Variants in RALYL observed in about 807,000 individuals in gnomAD.
RALYL encodes the protein RNA-binding Raly-like protein.
RALYL carries 29 observed loss-of-function variants against 35.1 expected under a neutral mutation model. The ratio of observed to expected loss-of-function variants is 0.83; its 90% confidence interval spans 0.61 to 1.13. The LOEUF (loss-of-function observed/expected upper bound fraction) is 1.13. RALYL is among the 50% of genes most tolerant of loss of function. RALYL has a pLI of 0.00. For missense variants in RALYL, 359 were observed against 360.4 expected (o/e 1.00, Z 0.03); for synonymous variants, 120 against 127.6 (o/e 0.94, Z 0.40).
intron 1 of RALYL, among the ~76,000 whole-genome samples, chr8:84,415,205 G>GTTTTTTTTTTTTTTTTTTTTTTTT (rs33962115): frequency 3.7e-5 from 2 of 54,658 alleles, no homozygotes; most frequent in Non-Finnish European, 9.0e-5. Context: ...GCAGACACTC[G>GTTTTTTTTTTTTTTTTTTTTTTTT]TTTTTTTTTT....
At chr8:84,658,285 AC>A (rs1830306401) in intron 2 of RALYL, among the ~76,000 whole-genome samples, 1 of 152,050 alleles carries the variant, frequency 6.6e-6, no homozygotes, top group Non-Finnish European at 1.5e-5. Context: ...TATTCTTCTG[AC>A]CCTCAAAAAG....
intron 2 of RALYL, among the ~76,000 whole-genome samples, chr8:84,684,418 C>G (rs1197934520): frequency 2.0e-5 from 3 of 152,176 alleles, no homozygotes; most frequent in Non-Finnish European, 4.4e-5. Flanking sequence ...GATAAGGAGA[C>G]TCAGTGGGAA....
rs368690962 is a variant in RALYL at position 84,788,863 on chromosome 8, T to C, written c.332+14209T>C. The stretch of plus-strand genomic sequence containing the variant: ...CTTCAAAAAGAAAAAAGTCAAAATA[T>C]CTGAGCCTTTAAGTGGTGCAGTGGA... On this transcript the variant is annotated intron_variant, in intron 3 of 8. Transcript: ENST00000521268. Among the ~76,000 whole-genome samples, 12 of 152,222 alleles carry C rather than the reference T, an allele frequency of 7.9e-5. No homozygotes were observed. The East Asian group carries it at 1.2e-3, about 15-fold the overall frequency.
intron 2 of RALYL, among the ~76,000 whole-genome samples, chr8:84,689,347 C>A (rs895133450): frequency 2.0e-5 from 3 of 151,986 alleles, no homozygotes; most frequent in Admixed American, 6.6e-5. Context: ...TTTGTTCTTG[C>A]GATAGTTTAC....
rs372119593 is a variant in RALYL at position 84,617,133 on chromosome 8, T to C, written c.256+87556T>C. Among the ~76,000 whole-genome samples, 3 of 150,602 alleles carry C rather than the reference T, an allele frequency of 2.0e-5. No homozygotes were observed. In the East Asian group the frequency reaches 5.8e-4, roughly 29 times the overall value. ...GTTTTTTCCAATTCTGTGAAGAAAG[T>C]CATTGGTAGCTTGATGGGGATGGCA... On this transcript the variant is annotated intron_variant, in intron 2 of 8. Transcript: ENST00000521268.
intron 2 of RALYL, among the ~76,000 whole-genome samples, chr8:84,616,641 G>T (rs1236339621): frequency 2.6e-5 from 4 of 151,254 alleles, no homozygotes; most frequent in Non-Finnish European, 5.9e-5. Flanking sequence ...CATTGCTTTT[G>T]GTGTTTTAGA....
At chr8:84,555,130 T>G (rs1182014818) in intron 2 of RALYL, among the ~76,000 whole-genome samples, 1 of 152,048 alleles carries the variant, frequency 6.6e-6, no homozygotes, top group Non-Finnish European at 1.5e-5. Context: ...AATACAAAAA[T>G]TAGCCGGGCG....
At chr8:84,869,255 T>C (rs748674430) in intron 6 of RALYL, among the ~76,000 whole-genome samples, 13 of 152,322 alleles carry the variant, frequency 8.5e-5, no homozygotes, top group South Asian at 4.1e-4. Flanking sequence ...CACATGACTT[T>C]GGGAAAATCA....
chr8:84,602,047 C>A (rs1405280701), intron 2 of RALYL, among the ~76,000 whole-genome samples: 2 of 152,062 alleles, frequency 1.3e-5, no homozygotes, highest in Non-Finnish European at 2.9e-5. Flanking sequence ...ATTTGTACTG[C>A]ATACTCTCTC....
At chr8:84,875,959 A>AGAT (rs1276853827) in intron 7 of RALYL, among the ~76,000 whole-genome samples, 1 of 152,148 alleles carries the variant, frequency 6.6e-6, no homozygotes, top group African/African-American at 2.4e-5. Flanking sequence ...GGCAGGAAGG[A>AGAT]GATGGAGAAT....
intron 2 of RALYL, among the ~76,000 whole-genome samples, chr8:84,772,345 T>C (rs1006835663): frequency 6.6e-6 from 1 of 152,096 alleles, no homozygotes; most frequent in African/African-American, 2.4e-5. Context: ...CTTTGTTCTA[T>C]TGTACAAATT....
intron 1 of RALYL, among the ~76,000 whole-genome samples, chr8:84,317,028 T>C (rs938873450): frequency 4.0e-5 from 6 of 151,100 alleles, no homozygotes; most frequent in African/African-American, 9.7e-5. Flanking sequence ...TCATGATTCA[T>C]AGGAGCAAAA....
intron 3 of RALYL, among the ~76,000 whole-genome samples, chr8:84,781,271 A>T (rs1818095067): frequency 6.6e-6 from 1 of 152,208 alleles, no homozygotes; most frequent in African/African-American, 2.4e-5. Context: ...AAAATTTTTT[A>T]AAAGATTATT....
At chr8:84,913,393 G>T (rs1352074791) in intron 8 of RALYL, among the ~76,000 whole-genome samples, 1 of 151,940 alleles carries the variant, frequency 6.6e-6, no homozygotes, top group Non-Finnish European at 1.5e-5. Context: ...ATCTAGGAGA[G>T]AATTCAACTT....
intron 1 of RALYL, among the ~76,000 whole-genome samples, chr8:84,337,403 A>G (rs1249692878): frequency 6.6e-6 from 1 of 151,816 alleles, no homozygotes; most frequent in Non-Finnish European, 1.5e-5. Context: ...AGATATCTTT[A>G]AAGGAACACT....
At chr8:84,574,699 G>C (rs747815301) in intron 2 of RALYL, among the ~76,000 whole-genome samples, 3 of 151,974 alleles carry the variant, frequency 2.0e-5, no homozygotes, top group Non-Finnish European at 2.9e-5. Context: ...GAACACGTTT[G>C]TTTCCTATAT....
chr8:84,262,166 A>G (rs1220054871), intron 1 of RALYL, among the ~76,000 whole-genome samples: 1 of 152,124 alleles, frequency 6.6e-6, no homozygotes, highest in Non-Finnish European at 1.5e-5. Context: ...CTGTTGGTAG[A>G]TGTTATTAAT....
chr8:84,213,078 TCTTA>T (rs1246640844), intron 1 of RALYL, among the ~76,000 whole-genome samples: 1 of 152,150 alleles, frequency 6.6e-6, no homozygotes, highest in Admixed American at 6.5e-5. Context: ...TAGATAACTG[TCTTA>T]CTTACTGTAT....
intron 1 of RALYL, among the ~76,000 whole-genome samples, chr8:84,391,726 C>G (rs181451061): frequency 1.3e-5 from 2 of 152,144 alleles, no homozygotes; most frequent in Admixed American, 6.6e-5. Context: ...CTTTACCCCC[C>G]AGTAAGTGAA....
Sources: allele counts gnomAD v4.1 joint callset (sites outside exome capture counted in the v4.1 genomes callset), GRCh38; gene constraint gnomAD v4.1.1; transcripts MANE v1.5; gene names NCBI Gene and HGNC (gene_info 2026-07-23, HGNC 2026-07-21).